The following BCORL1 variants were observed in gnomAD, a reference collection of about 807,000 sequenced individuals.
The protein encoded by BCORL1 is BCL6 corepressor like 1.
Under a neutral mutation model 87.6 loss-of-function variants are expected in BCORL1, and 7 were observed. The observed-to-expected ratio is 0.08, with a 90% CI of 0.05 to 0.15. The LOEUF (loss-of-function observed/expected upper bound fraction) is 0.15, where lower values mean the gene tolerates loss of function less well. BCORL1 is among the 10% of genes least tolerant of loss of function. The probability of loss-of-function intolerance (pLI) is 1.00; values close to 1 mark genes in which losing one functional copy is unlikely to be tolerated. For missense variants in BCORL1, 1,215 were observed against 1,499.7 expected (o/e 0.81, Z 3.13); for synonymous variants, 591 against 634.4 (o/e 0.93, Z 1.03).
intron 2 of BCORL1, among the ~76,000 whole-genome samples, chrX:130,008,425 G>A (rs186588329): frequency 5.4e-5 from 6 of 110,506 alleles, no homozygotes; most frequent in Admixed American, 2.9e-4. Context: ...CACCACACCC[G>A]GCTAATTTTG....
rs1313936764 is a variant in BCORL1 at position 130,043,766 on chromosome X, ATATATATATATATATATATTTTT to A, written c.4840+4486_4840+4508del. ...ATTTGTTATATATATATATATATATATATATATATATATATATATTTTTTTTTTTTTTTTTTTTTGAGACGGAG... is the reference window on the plus strand; with the variant it reads ...ATTTGTTATATATATATATATATATATTTTTTTTTTTTTTTTGAGACGGAG... On this transcript the variant is annotated intron_variant, in intron 11 of 13. Coordinates refer to ENST00000540052, the MANE Select transcript of BCORL1 (RefSeq NM_001379451.1). Among the ~76,000 whole-genome samples the A allele has an allele frequency of 4.2e-4, 7 of 16,631 alleles. 2 individuals are homozygous for A. The highest frequency in any genetic ancestry group is 9.1e-3 in the South Asian group (2 of 219). The allele number at this position is 16,631 out of a possible 115,157, so 14.4% of individuals were successfully genotyped here.
At chrX:130,046,989 G>A (rs1462909387) in intron 11 of BCORL1, among the ~76,000 whole-genome samples, 1 of 102,882 alleles carries the variant, frequency 9.7e-6, no homozygotes, top group Admixed American at 1.1e-4. Context: ...TCATATCAAT[G>A]GAATCATACA....
chrX:130,007,242 G>C (rs1928578897), intron 2 of BCORL1, among the ~76,000 whole-genome samples: 1 of 112,272 alleles, frequency 8.9e-6, no homozygotes. Context: ...TGAGGAACAA[G>C]TTAGAGATGG....
intron 13 of BCORL1, 112 bp downstream of exon 13, chrX:130,052,128 G>A: frequency 1.2e-6 from 1 of 819,518 alleles, no homozygotes; most frequent in Non-Finnish European, 1.7e-6. Flanking sequence ...CATCACACAT[G>A]ACAAAGGCTA....
chrX:130,044,801 G>A (rs975008237), intron 11 of BCORL1, among the ~76,000 whole-genome samples: 3 of 112,510 alleles, frequency 2.7e-5, no homozygotes, highest in Non-Finnish European at 5.6e-5. Context: ...GAGCCACCGC[G>A]CCCAGCAGTA....
Position 130,021,006 on chromosome X carries a change from C to A in BCORL1, c.3463C>A (p.Pro1155Thr), listed in dbSNP as rs371054533. Residue 1155 changes from proline (P) to threonine (T), a missense_variant, in exon 5 of 14, where the codon CCC becomes ACC. By Grantham distance (38) the Pro-to-Thr change is conservative. This residue lies in a region of BCORL1 where 861 missense variants were observed against 1,010.0 expected (regional missense o/e 0.85). Transcript: ENST00000540052. ...ACAGTGCCGGAAGCTGCCCAGTGAC[C>A]CCCAGGAATCCACCAAGAAAAGCCC... is the stretch of plus-strand genomic sequence containing the variant. ...RPKCRKLPSD[P>T]QESTKKSPRG... The A allele has an allele frequency of 1.8e-4, 216 of 1,173,193 alleles. No individual in the cohort carries two copies. The highest frequency in any genetic ancestry group is 2.3e-4 in the Non-Finnish European group (207 of 882,378).
upstream of BCORL1, chrX:129,981,629 G>C (rs1164940113): frequency 9.3e-6 from 1 of 107,893 alleles, no homozygotes; most frequent in East Asian, 2.9e-4. Flanking sequence ...ATCTGGGGGG[G>C]AGGGGGGACG....
At chrX:130,035,311 CAT>C (rs1297676967) in intron 9 of BCORL1, among the ~76,000 whole-genome samples, 1 of 112,252 alleles carries the variant, frequency 8.9e-6, no homozygotes, top group Admixed American at 9.5e-5. Context: ...AACTACTACG[CAT>C]ATGAGTCTGA....
chrX:130,024,486 C>T (rs1478147827), intron 6 of BCORL1, among the ~76,000 whole-genome samples: 1 of 111,122 alleles, frequency 9.0e-6, no homozygotes, highest in Non-Finnish European at 1.9e-5. Context: ...GCCGGGGTGG[C>T]TCTGTCCCCA....
chrX:129,985,630 G>T (rs1926538152), intron 1 of BCORL1, among the ~76,000 whole-genome samples: 1 of 111,566 alleles, frequency 9.0e-6, no homozygotes, highest in Non-Finnish European at 1.9e-5. Flanking sequence ...CAAGTTAAGA[G>T]AATCTGAAGG....
intron 8 of BCORL1, among the ~76,000 whole-genome samples, chrX:130,031,682 G>C (rs1930615262): frequency 9.0e-6 from 1 of 111,484 alleles, no homozygotes; most frequent in Non-Finnish European, 1.9e-5. Flanking sequence ...TACTTGGGAG[G>C]CTGAGGCAGG....
At chrX:130,045,438 A>G (rs1931686594) in intron 11 of BCORL1, among the ~76,000 whole-genome samples, 1 of 110,403 alleles carries the variant, frequency 9.1e-6, no homozygotes, top group African/African-American at 3.3e-5. Flanking sequence ...GTTGAAGACC[A>G]CTAGTTTTTT....
chrX:130,039,169 T>C lies in BCORL1; in HGVS notation c.4727T>C (p.Leu1576Pro), dbSNP rs753871830. The C allele has an allele frequency of 1.7e-6, 2 of 1,211,702 alleles. No individual in the cohort carries two copies. The highest frequency in any genetic ancestry group is 2.2e-6 in the Non-Finnish European group (2 of 895,404). The change falls in exon 11 of 14, where the codon CTG becomes CCG. Residue 1576 changes from leucine to proline, a missense_variant. Leu to Pro is a moderately conservative substitution (Grantham distance 98, BLOSUM62 -3). Transcript: ENST00000540052. ...PVHDAVVNDN[L>P]ETIWLLLSYG... The stretch of plus-strand genomic sequence containing the variant: ...CATGATGCGGTGGTCAATGACAACC[T>C]GGAGACCATCTGGCTCCTGCTGTCC...
In BCORL1 at chrX:130,014,261, C is replaced by T. The variant is rs764205905; in HGVS notation, c.1489C>T (p.Pro497Ser). 6 of 1,211,269 alleles carry T rather than the reference C, an allele frequency of 5.0e-6. No homozygotes were observed. The highest frequency in any genetic ancestry group is 6.7e-6 in the Non-Finnish European group (6 of 895,447). The change falls in exon 4 of 14, where the codon CCC (proline) becomes TCC (serine). Residue 497 changes from proline (P) to serine (S), a missense_variant. By Grantham distance (74) the Pro-to-Ser change is moderately conservative. Transcript: ENST00000540052. ...GTGTCTCCCAGGCGTGCTAGCCTCC[C>T]CCGAGCTCCGTTCTTACCCGTATGC... The part of the protein sequence containing the change: ...DRCLPGVLAS[P>S]ELRSYPYAFS...
intron 11 of BCORL1, among the ~76,000 whole-genome samples, chrX:130,045,812 T>C: frequency 9.1e-6 from 1 of 109,437 alleles, no homozygotes; most frequent in Non-Finnish European, 1.9e-5. Flanking sequence ...GAGACTGGGT[T>C]TTACCATGTT....
chrX:130,049,843 C>G (rs1173690150), intron 11 of BCORL1, among the ~76,000 whole-genome samples: 3 of 112,305 alleles, frequency 2.7e-5, no homozygotes, highest in African/African-American at 9.7e-5. Flanking sequence ...GATAAATGAA[C>G]ATTGTGACCA....
At chrX:130,003,096 C>T (rs183532449) in intron 1 of BCORL1, among the ~76,000 whole-genome samples, 258 of 111,736 alleles carry the variant, frequency 2.3e-3, no homozygotes, top group Non-Finnish European at 3.3e-3. Flanking sequence ...CTACCACCTC[C>T]ACACTGGTCT....
intron 4 of BCORL1, among the ~76,000 whole-genome samples, chrX:130,020,569 G>A (rs947187285): frequency 2.7e-5 from 3 of 112,184 alleles, no homozygotes; most frequent in African/African-American, 9.7e-5. Flanking sequence ...AGTTGTTGGT[G>A]CAATACCATT....
chrX:130,014,566 C>T lies in BCORL1; in HGVS notation c.1794C>T (p.Phe598=), dbSNP rs765215293. 3.3e-6 allele frequency: 4 copies of T among 1,209,744 alleles called. No homozygotes were observed. The highest frequency in any genetic ancestry group is 5.9e-5 in the East Asian group (2 of 33,717). The change falls in exon 4 of 14, where the codon TTC becomes TTT. Residue 598 remains phenylalanine (F), a synonymous_variant. Coordinates refer to ENST00000540052, the MANE Select transcript of BCORL1 (RefSeq NM_001379451.1). Reference sequence around the variant, plus strand: ...AAACAGAAGGGACTTCCGTTACCTTCTCTCCTCTTAAGTCACCGCCACAGC... The same window carrying T: ...AAACAGAAGGGACTTCCGTTACCTTTTCTCCTCTTAAGTCACCGCCACAGC... ...EQQTEGTSVT[F]SPLKSPPQLE... is the part of the protein sequence containing the mutation.
Sources: gnomAD v4.1 joint callset for allele counts (sites outside exome capture counted in the v4.1 genomes callset) on GRCh38, gnomAD v4.1.1 for gene constraint, gnomAD v4.1.1 regional missense constraint, MANE v1.5 for transcripts, NCBI Gene and HGNC (gene_info 2026-07-23, HGNC 2026-07-21) for gene names.